SMYD3: variants seen among roughly 807,000 people sequenced by gnomAD.
The protein encoded by SMYD3 is histone-lysine N-methyltransferase SMYD3.
A neutral mutation model predicts 57.7 loss-of-function variants in SMYD3; 36 were observed. The observed-to-expected ratio is 0.62, with a 90% CI of 0.48 to 0.82. The LOEUF (loss-of-function observed/expected upper bound fraction) is 0.82. Among genes scored for constraint, SMYD3 ranks in the 40% least tolerant of loss-of-function variants. The pLI is 0.00. For synonymous variants in SMYD3, 211 were observed against 195.0 expected (o/e 1.08, Z -0.68); for missense variants, 515 against 538.8 (o/e 0.96, Z 0.44).
In SMYD3 at chr1:246,056,562, C is replaced by T. The variant is rs368000722; in HGVS notation, c.532-126625G>A. Among the ~76,000 whole-genome samples the T allele has an allele frequency of 1.7e-4, 26 of 151,644 alleles. No individual in the cohort carries two copies. In the East Asian group the frequency reaches 3.1e-3, roughly 18 times the overall value. On this transcript the variant is annotated intron_variant, in intron 5 of 11. Coordinates refer to ENST00000490107, the MANE Select transcript of SMYD3 (RefSeq NM_001167740.2). ...GTGCATTGTAAAAATGTTCTCCCTA[C>T]GTGTGATTTCACCAGACCTACATAC...
intron 5 of SMYD3, among the ~76,000 whole-genome samples, chr1:246,293,168 CT>C (rs548580617): frequency 2.2e-4 from 34 of 152,058 alleles, no homozygotes; most frequent in African/African-American, 7.5e-4. Context: ...ATATCACCCC[CT>C]AAAGAATGTT....
At chr1:246,115,571 C>G (rs1410969401) in intron 5 of SMYD3, among the ~76,000 whole-genome samples, 1 of 152,174 alleles carries the variant, frequency 6.6e-6, no homozygotes, top group African/African-American at 2.4e-5. Context: ...GGCATTCAGT[C>G]AAAAGTCGCA....
chr1:246,024,449 C>G (rs199856163), intron 5 of SMYD3, among the ~76,000 whole-genome samples: 31 of 16,330 alleles, frequency 1.9e-3, no homozygotes, highest in South Asian at 4.1e-3. Flanking sequence ...AGAGATACAG[C>G]AAGTGGACAG....
At chr1:246,445,584 C>A (rs1183630344) in intron 1 of SMYD3, among the ~76,000 whole-genome samples, 1 of 152,090 alleles carries the variant, frequency 6.6e-6, no homozygotes, top group East Asian at 1.9e-4. Context: ...TGCCCGGGGT[C>A]TAAAAACATA....
At chr1:246,259,467 AT>A (rs2063959817) in intron 5 of SMYD3, among the ~76,000 whole-genome samples, 1 of 151,044 alleles carries the variant, frequency 6.6e-6, no homozygotes, top group African/African-American at 2.4e-5. Flanking sequence ...ACTACAGATT[AT>A]TTTGGGTAAG....
Position 246,441,062 on chromosome 1 carries a change from T to C in SMYD3, c.164+65992A>G, listed in dbSNP as rs1390840419. 2.6e-5 allele frequency among the ~76,000 whole-genome samples: 4 copies of C among 152,162 alleles called. 1 individual carries two copies. Among genetic ancestry groups the C allele is most frequent in the Admixed American group, 2.6e-4 (4 of 15,274 alleles). Reference sequence around the variant, plus strand: ...GAAGTAAATTATAGGTGACCCTTAATCTCTGTTTTGTGCGTCCCCACTTAC... The same window carrying C: ...GAAGTAAATTATAGGTGACCCTTAACCTCTGTTTTGTGCGTCCCCACTTAC... On this transcript the variant is annotated intron_variant, in intron 1 of 11. Coordinates refer to ENST00000490107, the MANE Select transcript of SMYD3 (RefSeq NM_001167740.2).
At chr1:246,155,763 T>C (rs1029998571) in intron 5 of SMYD3, among the ~76,000 whole-genome samples, 1 of 152,056 alleles carries the variant, frequency 6.6e-6, no homozygotes, top group Non-Finnish European at 1.5e-5. Context: ...GTGGATCACT[T>C]GAGGTCAGGA....
At chr1:246,503,337 T>C (rs750244841) in intron 1 of SMYD3, among the ~76,000 whole-genome samples, 8 of 152,158 alleles carry the variant, frequency 5.3e-5, no homozygotes, top group Admixed American at 6.5e-5. Context: ...TCATTAGAGT[T>C]TGCCAGAAGT....
intron 1 of SMYD3, among the ~76,000 whole-genome samples, chr1:246,495,045 G>T (rs986788272): frequency 1.3e-5 from 2 of 152,142 alleles, no homozygotes; most frequent in Non-Finnish European, 2.9e-5. Flanking sequence ...ATAATCTGGG[G>T]AGTATTAAAA....
intron 8 of SMYD3, among the ~76,000 whole-genome samples, chr1:245,914,260 A>G (rs1378318055): frequency 6.6e-6 from 1 of 152,246 alleles, no homozygotes. Flanking sequence ...TCTAGCAATT[A>G]CAGTACTGGG....
At chr1:245,807,813 G>GGAAAAAAAAA (rs1553328805) in intron 10 of SMYD3, among the ~76,000 whole-genome samples, 5 of 111,686 alleles carry the variant, frequency 4.5e-5, no homozygotes, top group African/African-American at 1.3e-4. Flanking sequence ...ATTTCCCAGG[G>GGAAAAAAAAA]AAAAAAAAAA....
intron 10 of SMYD3, among the ~76,000 whole-genome samples, chr1:245,813,045 C>T (rs113213524): frequency 0.058 from 7,267 of 124,826 alleles, 762 homozygotes; most frequent in African/African-American, 0.21. Flanking sequence ...GACGGAGTCT[C>T]GCTCTGTTGC....
At chr1:246,306,140 A>C (rs2064973926) in intron 5 of SMYD3, 1 of 152,210 alleles carries the variant, frequency 6.6e-6, no homozygotes, top group African/African-American at 2.4e-5. Context: ...GGAGTTTGAG[A>C]CCAGCCAGGA....
chr1:246,370,736 A>C (rs10924709), intron 1 of SMYD3, among the ~76,000 whole-genome samples: 22,050 of 152,204 alleles, frequency 0.14, 2,172 homozygotes, highest in East Asian at 0.42. Flanking sequence ...TGGTTACTAA[A>C]AACGGAAAAA....
At chr1:245,848,028 G>A (rs1196583766) in intron 10 of SMYD3, among the ~76,000 whole-genome samples, 3 of 152,108 alleles carry the variant, frequency 2.0e-5, no homozygotes, top group East Asian at 1.9e-4. Context: ...TCCCAGGAGT[G>A]GAGTGTGGCT....
intron 10 of SMYD3, among the ~76,000 whole-genome samples, chr1:245,767,439 G>A (rs969705357): frequency 3.3e-5 from 5 of 152,166 alleles, no homozygotes; most frequent in African/African-American, 1.2e-4. Context: ...GATATAGAAA[G>A]GCATGTGACA....
At position 246,481,627 on chromosome 1, in the gene SMYD3, C is replaced by T. The variant is rs147862473; in HGVS notation, c.164+25427G>A. 9.4e-3 allele frequency among the ~76,000 whole-genome samples: 239 copies of T among 25,532 alleles called. 1 individual carries two copies. The highest frequency in any genetic ancestry group is 0.022 in the East Asian group (11 of 510). 16.7% of individuals were successfully genotyped at this position (25,532 alleles called of 152,430 possible). On this transcript the variant is annotated intron_variant, in intron 1 of 11. Transcript: ENST00000490107. Reference sequence around the variant, plus strand: ...ATATATACACATACATATATACATACATACATACACATATTCATATATGAT... The same window carrying T: ...ATATATACACATACATATATACATATATACATACACATATTCATATATGAT...
intron 10 of SMYD3, among the ~76,000 whole-genome samples, chr1:245,815,673 TC>T (rs1304492996): frequency 6.6e-6 from 1 of 152,238 alleles, no homozygotes; most frequent in Non-Finnish European, 1.5e-5. Context: ...CATTAAAACA[TC>T]ATTCTTAGAT....
chr1:246,029,128 A>G (rs2059624265), intron 5 of SMYD3, among the ~76,000 whole-genome samples: 1 of 152,228 alleles, frequency 6.6e-6, no homozygotes, highest in Non-Finnish European at 1.5e-5. Context: ...CTACTAGAAG[A>G]AAACACTTCA....
Sources: allele counts gnomAD v4.1 joint callset (sites outside exome capture counted in the v4.1 genomes callset), GRCh38; gene constraint gnomAD v4.1.1; transcripts MANE v1.5; gene names NCBI Gene and HGNC (gene_info 2026-07-23, HGNC 2026-07-21).